The following PPP1R18 variants were observed in gnomAD, a reference collection of about 807,000 sequenced individuals.
The protein encoded by PPP1R18 is protein phosphatase 1 regulatory subunit 18.
PPP1R18 carries 31 observed loss-of-function variants against 54.8 expected under a neutral mutation model. The ratio of observed to expected loss-of-function variants is 0.57; its 90% confidence interval spans 0.43 to 0.76. The LOEUF (loss-of-function observed/expected upper bound fraction) is 0.76. Ranked by LOEUF, PPP1R18 falls within the 30% of genes least tolerant of loss-of-function variation. PPP1R18 has a pLI of 0.00. For synonymous variants in PPP1R18, 310 were observed against 320.2 expected, an observed-to-expected ratio of 0.97 and a Z score of 0.34; for missense variants, 685 against 776.1, an observed-to-expected ratio of 0.88 and a Z score of 1.39.
chr6:30,685,821 C>T lies in PPP1R18; in HGVS notation c.198G>A (p.Glu66=), dbSNP rs1583006130. The change falls in exon 1 of 3, where the codon GAG becomes GAA. Residue 66 remains glutamate (E), a synonymous_variant. Transcript: ENST00000274853. The surrounding 1 kb of genome is among the most constrained non-coding windows in gnomAD (Gnocchi z 5.0). The part of the protein sequence containing the change: ...GEPSPVLGTV[E]AGPPDPDESA... ...ACTCATCCGGGTCTGGAGGTCCAGC[C>T]TCTACAGTCCCTAGCACAGGGCTAG... 1 of 1,612,984 alleles carries T rather than the reference C, an allele frequency of 6.2e-7. No individual in the cohort carries two copies.
chr6:30,681,562 G>A (rs1265914669), intron 1 of PPP1R18, among the ~76,000 whole-genome samples: 5 of 151,994 alleles, frequency 3.3e-5, no homozygotes, highest in East Asian at 1.9e-4. Flanking sequence ...TCAGGAGTTC[G>A]AGACCAGCCT....
rs774867641 is a variant in PPP1R18 at position 30,685,025 on chromosome 6, A to G, written c.994T>C (p.Trp332Arg). The G allele has an allele frequency of 2.5e-6, 4 of 1,611,834 alleles. No individual in the cohort carries two copies. The African/African-American group carries it at 5.4e-5, about 22-fold the overall frequency. Reference protein sequence around the residue: ...GERGMKPTEGWKWTLNSGKAR... With the variant: ...GERGMKPTEGRKWTLNSGKAR... ...TTCCCGGAGTTCAGGGTCCATTTCC[A>G]CCCTTCTGTTGGCTTCATGCCCCTC... Residue 332 changes from tryptophan (W) to arginine (R), a missense_variant, in exon 1 of 3, where the codon TGG becomes CGG. Coordinates refer to ENST00000274853, the MANE Select transcript of PPP1R18 (RefSeq NM_133471.4). This position sits in a 1 kb window ranked among gnomAD's most constrained non-coding sequence, Gnocchi z 5.0.
At chr6:30,678,643 G>C (rs1582991008) in intron 2 of PPP1R18, among the ~76,000 whole-genome samples, 1 of 152,094 alleles carries the variant, frequency 6.6e-6, no homozygotes, top group Admixed American at 6.6e-5. Flanking sequence ...CTCCCAAAGT[G>C]CTGGGATCAC....
At chr6:30,687,905 T>G (rs1426950367), upstream of PPP1R18, 1 of 152,126 alleles carries the variant, frequency 6.6e-6, no homozygotes, top group Admixed American at 6.5e-5. This position sits in a 1 kb window ranked among gnomAD's most constrained non-coding sequence, Gnocchi z 7.9. Flanking sequence ...TGGGGGCGGG[T>G]CTGCGGGGGT....
chr6:30,685,225 G>A lies in PPP1R18; in HGVS notation c.794C>T (p.Ser265Leu). 6.2e-7 allele frequency: 1 copy of A among 1,612,898 alleles called. No homozygotes were observed. Among genetic ancestry groups the A allele is most frequent in the Non-Finnish European group, 8.5e-7 (1 of 1,180,018 alleles). The change falls in exon 1 of 3, where the codon TCA becomes TTA. Residue 265 changes from serine (S) to leucine (L), a missense_variant. By Grantham distance (145) the Ser-to-Leu change is moderately radical. Coordinates refer to ENST00000274853, the MANE Select transcript of PPP1R18 (RefSeq NM_133471.4). The surrounding 1 kb of genome is among the most constrained non-coding windows in gnomAD (Gnocchi z 5.0). ...CGAGTAGTCTTGTCTTTCTTCTCCT[G>A]ACCTCAGCCTCCACTCTGTTGCCTC... ...QLEATEWRLR[S>L]GEERQDYSEE...
rs948045424 is a variant in PPP1R18 at position 30,684,552 on chromosome 6, G to C, written c.1467C>G (p.Thr489=). The change falls in exon 1 of 3, where the codon ACC becomes ACG. Residue 489 remains threonine, a synonymous_variant. Transcript: ENST00000274853. This position sits in a 1 kb window ranked among gnomAD's most constrained non-coding sequence, Gnocchi z 6.0. ...CTGCAGCATCAACTGTGGCTGGAGA[G>C]GTTGGGGTGGCTGGGGTCGCAGGGG... ...SVPPATPATP[T]SPATVDAAVP... 6.2e-7 allele frequency: 1 copy of C among 1,611,856 alleles called. No homozygotes were observed. The highest frequency in any genetic ancestry group is 8.5e-7 in the Non-Finnish European group (1 of 1,179,566).
intron 1 of PPP1R18, among the ~76,000 whole-genome samples, chr6:30,682,455 TG>T (rs1770600854): frequency 6.6e-6 from 1 of 152,094 alleles, no homozygotes; most frequent in East Asian, 1.9e-4. Flanking sequence ...AAGCGGGGGT[TG>T]GTGGCAGGGT....
At position 30,686,242 on chromosome 6, in the gene PPP1R18, C is replaced by A; in HGVS notation, c.-224G>T. On this transcript the variant is annotated 5_prime_UTR_variant, in exon 1 of 3. Transcript: ENST00000274853. ...AAAAAGTGAAGAGAAGTTGTGAGCC[C>A]AAGTTGGGGGTGGTGGGGGTGATGT... 3 of 504,022 alleles carry A rather than the reference C, an allele frequency of 6.0e-6. No individual in the cohort carries two copies. Among genetic ancestry groups the A allele is most frequent in the Non-Finnish European group, 1.0e-5 (3 of 288,128 alleles). 31.2% of individuals were successfully genotyped at this position (504,022 alleles called of 1,614,324 possible).
chr6:30,685,914 C>T lies in PPP1R18; in HGVS notation c.105G>A (p.Gln35=). 6.2e-7 allele frequency: 1 copy of T among 1,609,630 alleles called. No individual in the cohort carries two copies. Among genetic ancestry groups the T allele is most frequent in the Non-Finnish European group, 8.5e-7 (1 of 1,180,020 alleles). The change falls in exon 1 of 3, where the codon CAG becomes CAA. Residue 35 remains glutamine, a synonymous_variant. Coordinates refer to ENST00000274853, the MANE Select transcript of PPP1R18 (RefSeq NM_133471.4). The surrounding 1 kb of genome is among the most constrained non-coding windows in gnomAD (Gnocchi z 5.0). The part of the protein sequence containing the change: ...REKAERERLS[Q]MPAWKRGLLE... ...GGAGCCCTCGTTTCCAGGCTGGCATCTGGGACAGGCGCTCCCGTTCTGCTT... is the reference window on the plus strand; with the variant it reads ...GGAGCCCTCGTTTCCAGGCTGGCATTTGGGACAGGCGCTCCCGTTCTGCTT...
At position 30,679,199 on chromosome 6, in the gene PPP1R18, C is replaced by G. The variant is rs966137565; in HGVS notation, c.1802G>C (p.Arg601Pro). Residue 601 changes from arginine (R) to proline (P), a missense_variant, in exon 2 of 3, where the codon CGC (arginine) becomes CCC (proline). Arg to Pro is a moderately radical substitution (Grantham distance 103). Coordinates refer to ENST00000274853, the MANE Select transcript of PPP1R18 (RefSeq NM_133471.4). ...CTTACCCACAATCAGGGCCTTGGTG[C>G]GCAGCCCGCCCTGGAGCTCTGGCTG... ...LLQPELQGGL[R>P]TKALIVDESC... 1 of 1,590,132 alleles carries G rather than the reference C, an allele frequency of 6.3e-7. No individual in the cohort carries two copies.
chr6:30,684,283 G>A lies in PPP1R18; in HGVS notation c.1611+125C>T. On this transcript the variant is annotated intron_variant, in intron 1 of 2. Coordinates refer to ENST00000274853, the MANE Select transcript of PPP1R18 (RefSeq NM_133471.4). The surrounding 1 kb of genome is among the most constrained non-coding windows in gnomAD (Gnocchi z 6.0). ...TATGTGCAGAGCGAGGAAGGGTGGT[G>A]GCAGGAATTAACAAGAAAGAATAGA... 1.0e-6 allele frequency: 1 copy of A among 952,752 alleles called. No homozygotes were observed. The allele number at this position is 952,752 out of a possible 1,614,324, so 59.0% of individuals were successfully genotyped here.
Position 30,685,074 on chromosome 6 carries a change from C to T in PPP1R18, c.945G>A (p.Glu315=), listed in dbSNP as rs1472939811. 3 of 1,613,150 alleles carry T rather than the reference C, an allele frequency of 1.9e-6. No homozygotes were observed. Among genetic ancestry groups the T allele is most frequent in the Non-Finnish European group, 2.5e-6 (3 of 1,180,036 alleles). Reference sequence around the variant, plus strand: ...TCTCGCCATCTTCCACAGGCCTCTGCTCTGCTGCCTCCACTCCTGCGGAAC... The same window carrying T: ...TCTCGCCATCTTCCACAGGCCTCTGTTCTGCTGCCTCCACTCCTGCGGAAC... ...GNSSAGVEAA[E]QRPVEDGERG... Residue 315 remains glutamate (E), a synonymous_variant, in exon 1 of 3, where the codon GAG becomes GAA. Coordinates refer to ENST00000274853, the MANE Select transcript of PPP1R18 (RefSeq NM_133471.4). This position sits in a 1 kb window ranked among gnomAD's most constrained non-coding sequence, Gnocchi z 5.0.
At position 30,685,326 on chromosome 6, in the gene PPP1R18, C is replaced by T; in HGVS notation, c.693G>A (p.Gln231=). The T allele has an allele frequency of 6.2e-7, 1 of 1,613,130 alleles. No individual in the cohort carries two copies. The highest frequency in any genetic ancestry group is 1.3e-5 in the African/African-American group (1 of 75,068). ...TATGGGCCTCTGTCAGGCCCAACTT[C>T]TGGTAGGCAGATTCCCCTGGGCTCA... ...SRLSPGESAY[Q]KLGLTEAHKW... The change falls in exon 1 of 3, where the codon CAG becomes CAA. Residue 231 remains glutamine (Q), a synonymous_variant. Transcript: ENST00000274853. This position sits in a 1 kb window ranked among gnomAD's most constrained non-coding sequence, Gnocchi z 5.0.
chr6:30,679,632 T>C (rs1016313156), intron 1 of PPP1R18, among the ~76,000 whole-genome samples: 4 of 152,292 alleles, frequency 2.6e-5, no homozygotes, highest in African/African-American at 7.2e-5. Context: ...GATCATATCA[T>C]TTCAAAACAT....
At chr6:30,677,905 G>A (rs1480034628) in intron 2 of PPP1R18, among the ~76,000 whole-genome samples, 1 of 151,900 alleles carries the variant, frequency 6.6e-6, no homozygotes, top group African/African-American at 2.4e-5. Flanking sequence ...AGTCTAGGAG[G>A]TAGTTTTTGG....
Position 30,685,367 on chromosome 6 carries a change from C to G in PPP1R18, c.652G>C (p.Glu218Gln), listed in dbSNP as rs771906526. ...CCTGGGCTCAGTCTACTTTCCACCT[C>G]TTTTCTCCTGGGGCTTTGCTCTCGA... is the stretch of plus-strand genomic sequence containing the variant. The part of the protein sequence containing the change: ...ESREQSPRRK[E>Q]VESRLSPGES... Residue 218 changes from glutamate (E) to glutamine (Q), a missense_variant, in exon 1 of 3, where the codon GAG becomes CAG. By Grantham distance (29) the Glu-to-Gln change is conservative. Coordinates refer to ENST00000274853, the MANE Select transcript of PPP1R18 (RefSeq NM_133471.4). This position sits in a 1 kb window ranked among gnomAD's most constrained non-coding sequence, Gnocchi z 5.0. 6.2e-7 allele frequency: 1 copy of G among 1,613,112 alleles called. No individual in the cohort carries two copies. Among genetic ancestry groups the G allele is most frequent in the Non-Finnish European group, 8.5e-7 (1 of 1,180,038 alleles).
chr6:30,681,886 C>T (rs74668179), intron 1 of PPP1R18, among the ~76,000 whole-genome samples: 1 of 152,152 alleles, frequency 6.6e-6, no homozygotes, highest in Non-Finnish European at 1.5e-5. Context: ...AAACGATCTG[C>T]GGGTGGTCCA....
chr6:30,681,009 C>G (rs1370877605), intron 1 of PPP1R18, among the ~76,000 whole-genome samples: 2 of 149,934 alleles, frequency 1.3e-5, no homozygotes, highest in Non-Finnish European at 3.0e-5. Flanking sequence ...TGCTTGAACC[C>G]GGGAGGCGGA....
rs772658065 is a variant in PPP1R18 at position 30,683,757 on chromosome 6, C to T, written c.1611+651G>A. Among the ~76,000 whole-genome samples, 4 of 152,074 alleles carry T rather than the reference C, an allele frequency of 2.6e-5. No homozygotes were observed. The highest frequency in any genetic ancestry group is 4.4e-5 in the Non-Finnish European group (3 of 68,008). On this transcript the variant is annotated intron_variant, in intron 1 of 2. Coordinates refer to ENST00000274853, the MANE Select transcript of PPP1R18 (RefSeq NM_133471.4). This position sits in a 1 kb window ranked among gnomAD's most constrained non-coding sequence, Gnocchi z 5.1. ...CCCGAGGTCACCCACTTCAAATGGC[C>T]TCTCTGTGTCTCTCCCATGGGGCAG...
Sources: gnomAD v4.1 joint callset for allele counts (sites outside exome capture counted in the v4.1 genomes callset) on GRCh38, gnomAD v4.1.1 for gene constraint, Gnocchi (gnomAD v3.1) non-coding constraint, MANE v1.5 for transcripts, NCBI Gene and HGNC (gene_info 2026-07-23, HGNC 2026-07-21) for gene names.